Variants in HECW2 observed in about 807,000 individuals in gnomAD.
HECW2 encodes HECT, C2 and WW domain containing E3 ubiquitin protein ligase 2, also known as E3 ubiquitin-protein ligase HECW2.
Under a neutral mutation model 175.2 loss-of-function variants are expected in HECW2, and 61 were observed. The ratio of observed to expected loss-of-function variants is 0.35; its 90% CI spans 0.28 to 0.43. The LOEUF (loss-of-function observed/expected upper bound fraction) is 0.43, where lower values mean the gene tolerates loss of function less well. HECW2 is among the 20% of genes least tolerant of loss of function. The pLI is 1.00. For synonymous variants in HECW2, 671 were observed against 731.0 expected, an observed-to-expected ratio of 0.92 and a Z score of 1.32; for missense variants, 1,524 against 2,000.5, an observed-to-expected ratio of 0.76 and a Z score of 4.54.
chr2:196,368,473 C>A (rs1431331528), intron 2 of HECW2, among the ~76,000 whole-genome samples: 1 of 152,152 alleles, frequency 6.6e-6, no homozygotes, highest in African/African-American at 2.4e-5. Context: ...TTAGTTAAAT[C>A]TACTTGCTGT....
At chr2:196,222,787 G>T (rs1458029150) in intron 23 of HECW2, among the ~76,000 whole-genome samples, 1 of 151,440 alleles carries the variant, frequency 6.6e-6, no homozygotes, top group African/African-American at 2.4e-5. Context: ...TTTTTTAATT[G>T]AAAGACATGA....
chr2:196,285,406 T>G (rs929727855), intron 14 of HECW2, among the ~76,000 whole-genome samples: 1 of 152,234 alleles, frequency 6.6e-6, no homozygotes, highest in South Asian at 2.1e-4. Flanking sequence ...ATCTTCCATT[T>G]TTCTTTCTGT....
chr2:196,260,901 CA>C (rs1431906432), intron 17 of HECW2, among the ~76,000 whole-genome samples: 8 of 152,218 alleles, frequency 5.3e-5, no homozygotes, highest in African/African-American at 1.9e-4. Context: ...TTTGTGTCTT[CA>C]CTTCGATGAT....
intron 2 of HECW2, among the ~76,000 whole-genome samples, chr2:196,425,647 G>C (rs1433422083): frequency 6.6e-6 from 1 of 152,148 alleles, no homozygotes; most frequent in Non-Finnish European, 1.5e-5. Context: ...AGTGGTGCCT[G>C]AAGATGTAAC....
At chr2:196,540,074 G>A (rs1206715359) in intron 1 of HECW2, among the ~76,000 whole-genome samples, 2 of 152,142 alleles carry the variant, frequency 1.3e-5, no homozygotes, top group African/African-American at 4.8e-5. Flanking sequence ...GACAAAAGTA[G>A]GCTTTTTAAT....
Position 196,215,894 on chromosome 2 carries a change from C to T in HECW2, c.4578G>A (p.Glu1526=), listed in dbSNP as rs545923415. Residue 1526 remains glutamate, a synonymous_variant, in exon 28 of 29, where the codon GAG becomes GAA. Transcript: ENST00000644978. ...GAAGAGCAGTGATTTTCCCCCATTT[C>T]TCCACACAGAATCTTCTTGGGCCGT... ...GSNGPRRFCV[E]KWGKITALPR... is the part of the protein sequence containing the mutation. 6.2e-7 allele frequency: 1 copy of T among 1,613,640 alleles called. No homozygotes were observed. Among genetic ancestry groups the T allele is most frequent in the African/African-American group, 1.3e-5 (1 of 75,030 alleles).
rs1693841878 is a variant in HECW2 at position 196,369,342 on chromosome 2, G to GTCTGTCTCTCTCTCTCTCTC, written c.293-25579_293-25578insGAGAGAGAGAGAGAGACAGA. Among the ~76,000 whole-genome samples, 8 of 131,556 alleles carry GTCTGTCTCTCTCTCTCTCTC rather than the reference G, an allele frequency of 6.1e-5. No homozygotes were observed. The South Asian group carries it at 2.1e-3, about 35-fold the overall frequency. The allele number at this position is 131,556 out of a possible 152,430, so 86.3% of individuals were successfully genotyped here. ...CCCTTACTCCTCCTAAACAAATGGAGTCTCTCTCTCTCTCTCTCTCTCTCT... is the reference window on the plus strand; with the variant it reads ...CCCTTACTCCTCCTAAACAAATGGAGTCTGTCTCTCTCTCTCTCTCTCTCTCTCTCTCTCTCTCTCTCTCT... On this transcript the variant is annotated intron_variant, in intron 2 of 28. Coordinates refer to ENST00000644978, the MANE Select transcript of HECW2 (RefSeq NM_001348768.2).
At chr2:196,418,539 T>A (rs1048871217) in intron 2 of HECW2, among the ~76,000 whole-genome samples, 19 of 152,294 alleles carry the variant, frequency 1.2e-4, no homozygotes, top group African/African-American at 3.6e-4. Flanking sequence ...GTCAAAAATA[T>A]AATAGATATT....
chr2:196,252,969 C>A (rs1028712969), intron 19 of HECW2, among the ~76,000 whole-genome samples: 2 of 152,212 alleles, frequency 1.3e-5, no homozygotes, highest in African/African-American at 4.8e-5. Context: ...CTCACTGCCA[C>A]ACCATGAATT....
intron 1 of HECW2, among the ~76,000 whole-genome samples, chr2:196,556,349 ATAT>A (rs1689794110): frequency 6.6e-6 from 1 of 152,164 alleles, no homozygotes; most frequent in South Asian, 2.1e-4. Flanking sequence ...AGTATACAAT[ATAT>A]TATTATTCAC....
At chr2:196,368,907 T>G (rs772560880) in intron 2 of HECW2, among the ~76,000 whole-genome samples, 3 of 152,154 alleles carry the variant, frequency 2.0e-5, no homozygotes, top group Non-Finnish European at 2.9e-5. Context: ...TTTAGTTTCC[T>G]CAAAACAGTC....
At chr2:196,419,810 A>G (rs10180196) in intron 2 of HECW2, among the ~76,000 whole-genome samples, 144,213 of 152,156 alleles carry the variant, frequency 0.95, 68,447 homozygotes, top group East Asian at 1. Context: ...AAGAAATTGA[A>G]GCTCGGAATG....
intron 23 of HECW2, among the ~76,000 whole-genome samples, chr2:196,224,719 T>A (rs925357891): frequency 6.6e-6 from 1 of 152,056 alleles, no homozygotes; most frequent in Non-Finnish European, 1.5e-5. Context: ...CAGGCTGAAG[T>A]GTGCTTAGGG....
chr2:196,324,931 G>C (rs930574908), intron 6 of HECW2, 49 bp downstream of exon 6: 2 of 1,450,258 alleles, frequency 1.4e-6, no homozygotes, highest in Non-Finnish European at 1.9e-6. Flanking sequence ...GAGAGAGACT[G>C]GGCTGACTTC....
intron 1 of HECW2, among the ~76,000 whole-genome samples, chr2:196,444,033 G>A (rs1696114230): frequency 6.6e-6 from 1 of 152,132 alleles, no homozygotes; most frequent in Non-Finnish European, 1.5e-5. Context: ...AGACCCTGTG[G>A]CAAAAATAAA....
chr2:196,368,136 C>A (rs1693800340), intron 2 of HECW2, among the ~76,000 whole-genome samples: 1 of 152,058 alleles, frequency 6.6e-6, no homozygotes, highest in Non-Finnish European at 1.5e-5. Context: ...ACATATATAC[C>A]TAGCAGTGTA....
chr2:196,448,153 A>T (rs1696240993), intron 1 of HECW2, among the ~76,000 whole-genome samples: 1 of 152,258 alleles, frequency 6.6e-6, no homozygotes, highest in African/African-American at 2.4e-5. Context: ...TTGGTGTAAG[A>T]TAAAATAAAC....
chr2:196,542,935 T>C (rs1048196749), intron 1 of HECW2, among the ~76,000 whole-genome samples: 1 of 148,236 alleles, frequency 6.7e-6, no homozygotes, highest in African/African-American at 2.5e-5. Flanking sequence ...TAGATAGCTA[T>C]ATATTATATA....
intron 1 of HECW2, among the ~76,000 whole-genome samples, chr2:196,456,059 G>A (rs1365379423): frequency 1.3e-5 from 2 of 151,912 alleles, no homozygotes; most frequent in Non-Finnish European, 2.9e-5. Context: ...CACACCCTGA[G>A]AAGGCATATA....
Sources: gnomAD v4.1 joint callset for allele counts (sites outside exome capture counted in the v4.1 genomes callset) on GRCh38, gnomAD v4.1.1 for gene constraint, MANE v1.5 for transcripts, NCBI Gene and HGNC (gene_info 2026-07-23, HGNC 2026-07-21) for gene names.